CSMD2: variants seen among roughly 807,000 people sequenced by gnomAD.
CSMD2 encodes the protein CUB and Sushi multiple domains 2.
In CSMD2, 130 loss-of-function variants were observed where a neutral mutation model predicts 398.5. That is an observed-to-expected ratio of 0.33 (90% CI 0.28 to 0.38). The LOEUF (loss-of-function observed/expected upper bound fraction) is 0.38, where lower values mean the gene tolerates loss of function less well. Ranked by LOEUF, CSMD2 falls within the 10% of genes least tolerant of loss-of-function variation. CSMD2 has a pLI of 1.00. For synonymous variants in CSMD2, 1,828 were observed against 1,908.5 expected, an observed-to-expected ratio of 0.96 and a Z score of 1.10; for missense variants, 3,829 against 4,764.9, an observed-to-expected ratio of 0.80 and a Z score of 5.78.
At chr1:34,065,053 G>GT (rs1196134360) in intron 2 of CSMD2, among the ~76,000 whole-genome samples, 3 of 152,188 alleles carry the variant, frequency 2.0e-5, no homozygotes, top group African/African-American at 7.2e-5. Context: ...AATTATGGGA[G>GT]TATAATTCAA....
intron 1 of CSMD2, among the ~76,000 whole-genome samples, chr1:34,154,625 ATAAAG>A (rs1413814830): frequency 6.6e-6 from 1 of 152,254 alleles, no homozygotes; most frequent in Non-Finnish European, 1.5e-5. Context: ...AGTTGAGTAA[ATAAAG>A]TAAGAAACCA....
At position 34,121,145 on chromosome 1, in the gene CSMD2, G is replaced by A. The variant is rs145916125; in HGVS notation, c.188-31952C>T. On this transcript the variant is annotated intron_variant, in intron 1 of 70. Transcript: ENST00000373381. ...ATGAATAGTTGTTGAATGAATGAGC[G>A]AATGTGGAGGTTAGGAGAGCCAAAG... 6.6e-5 allele frequency among the ~76,000 whole-genome samples: 10 copies of A among 152,306 alleles called. No homozygotes were observed. In the South Asian group the frequency reaches 1.0e-3, roughly 16 times the overall value.
chr1:34,158,132 C>T (rs1287539580), intron 1 of CSMD2, among the ~76,000 whole-genome samples: 3 of 152,140 alleles, frequency 2.0e-5, no homozygotes, highest in Non-Finnish European at 4.4e-5. Context: ...TTTCTCTTAA[C>T]TTACAAGAGT....
rs1032673751 is a variant in CSMD2, at chr1:33,545,953, G to A, written c.9100+84C>T. On this transcript the variant is annotated intron_variant, in intron 57 of 70. Transcript: ENST00000373381. ...GGGGCCACGGTTTTTTTCTGTGAGC[G>A]CAGGTGCCTGGGAATAAGAGCAGGA... is the stretch of plus-strand genomic sequence containing the variant. 3.0e-5 allele frequency: 41 copies of A among 1,349,568 alleles called. 1 individual carries two copies. Among genetic ancestry groups the A allele is most frequent in the Middle Eastern group, 5.4e-4 (2 of 3,738 alleles). The allele number at this position is 1,349,568 out of a possible 1,614,324, so 83.6% of individuals were successfully genotyped here.
intron 43 of CSMD2, among the ~76,000 whole-genome samples, 154 bp downstream of exon 43, chr1:33,602,215 C>A (rs538201446): frequency 1.2e-3 from 187 of 152,364 alleles, no homozygotes; most frequent in African/African-American, 4.4e-3. Context: ...GAGCCCCATT[C>A]CACTATGTTT....
chr1:33,548,973 T>C (rs1286697747), intron 56 of CSMD2, among the ~76,000 whole-genome samples: 1 of 152,132 alleles, frequency 6.6e-6, no homozygotes, highest in Non-Finnish European at 1.5e-5. Flanking sequence ...AGGTGTTTAA[T>C]GAGATTAATA....
intron 6 of CSMD2, among the ~76,000 whole-genome samples, chr1:33,843,627 C>T (rs1661072407): frequency 6.6e-6 from 1 of 150,580 alleles, no homozygotes; most frequent in Non-Finnish European, 1.5e-5. Flanking sequence ...CTGTGGACTG[C>T]TAGAGAGCAA....
In CSMD2 at chr1:34,091,377, C is replaced by G. The variant is rs886368794; in HGVS notation, c.188-2184G>C. Among the ~76,000 whole-genome samples the G allele has an allele frequency of 2.1e-4, 32 of 152,180 alleles. 1 individual carries two copies. Among genetic ancestry groups the G allele is most frequent in the Non-Finnish European group, 3.4e-4 (23 of 68,042 alleles). On this transcript the variant is annotated intron_variant, in intron 1 of 70. Coordinates refer to ENST00000373381, the MANE Select transcript of CSMD2 (RefSeq NM_001281956.2). ...GTCTAATCCTCACAACAGCCCTATA[C>G]GGTAGATACTATTACTATCATCTCC...
At chr1:34,006,463 C>G (rs1016329670) in intron 3 of CSMD2, among the ~76,000 whole-genome samples, 1 of 152,156 alleles carries the variant, frequency 6.6e-6, no homozygotes, top group African/African-American at 2.4e-5. Flanking sequence ...CACCTCCACA[C>G]TGTTTCCAGA....
intron 21 of CSMD2, among the ~76,000 whole-genome samples, chr1:33,713,533 G>A (rs1041045651): frequency 6.6e-5 from 10 of 152,172 alleles, no homozygotes; most frequent in Non-Finnish European, 1.2e-4. Flanking sequence ...TCATACATTA[G>A]GGACAGACAG....
At chr1:33,856,517 G>A (rs1412396196) in intron 5 of CSMD2, among the ~76,000 whole-genome samples, 2 of 152,090 alleles carry the variant, frequency 1.3e-5, no homozygotes, top group African/African-American at 2.4e-5. Flanking sequence ...AGAAGCCTCC[G>A]CTGCTTGTAA....
intron 47 of CSMD2, among the ~76,000 whole-genome samples, chr1:33,581,529 C>CAAAAAAAAAAAAAAAAAAAA (rs59068586): frequency 1.4e-4 from 5 of 36,878 alleles, no homozygotes; most frequent in Non-Finnish European, 1.9e-4. Context: ...GACTCAGTCT[C>CAAAAAAAAAAAAAAAAAAAA]AAAAAAAAAA....
At chr1:33,796,152 T>C (rs1389355278) in intron 10 of CSMD2, among the ~76,000 whole-genome samples, 3 of 152,260 alleles carry the variant, frequency 2.0e-5, no homozygotes, top group African/African-American at 4.8e-5. Context: ...TGCTGATCCC[T>C]GGTCTAGGAG....
intron 1 of CSMD2, among the ~76,000 whole-genome samples, chr1:34,144,636 G>C (rs146957166): frequency 1.3e-5 from 2 of 152,176 alleles, no homozygotes; most frequent in Admixed American, 1.3e-4. Context: ...TCCAATCAGC[G>C]TTATCGGTAA....
intron 5 of CSMD2, among the ~76,000 whole-genome samples, chr1:33,880,630 A>G (rs1219164007): frequency 6.6e-6 from 1 of 152,232 alleles, no homozygotes; most frequent in African/African-American, 2.4e-5. Context: ...ATGAGAAAAG[A>G]TTTCCATAAA....
chr1:33,571,989 G>T (rs537429720), intron 50 of CSMD2, among the ~76,000 whole-genome samples: 42 of 152,240 alleles, frequency 2.8e-4, no homozygotes, highest in African/African-American at 9.9e-4. Flanking sequence ...TGTTTGAGTT[G>T]CATTTGATTA....
intron 6 of CSMD2, among the ~76,000 whole-genome samples, chr1:33,841,734 C>CTT (rs1660874596): frequency 1.3e-5 from 2 of 152,048 alleles, no homozygotes; most frequent in Admixed American, 6.6e-5. Flanking sequence ...TAGGTAAATA[C>CTT]CCACTACATA....
chr1:33,595,436 A>G (rs1479148375), intron 44 of CSMD2, among the ~76,000 whole-genome samples: 3 of 152,162 alleles, frequency 2.0e-5, no homozygotes, highest in Non-Finnish European at 2.9e-5. Context: ...CGTGTCTTCC[A>G]GTCTTCTCCA....
intron 1 of CSMD2, among the ~76,000 whole-genome samples, chr1:34,095,737 A>G (rs1659215436): frequency 1.3e-5 from 2 of 151,164 alleles, no homozygotes; most frequent in Admixed American, 6.6e-5. Context: ...GAATAGACCA[A>G]TAACAGGAGC....
Sources: allele counts gnomAD v4.1 joint callset (sites outside exome capture counted in the v4.1 genomes callset), GRCh38; gene constraint gnomAD v4.1.1; transcripts MANE v1.5; gene names NCBI Gene and HGNC (gene_info 2026-07-23, HGNC 2026-07-21).